The following HNF4G variants were observed in gnomAD, a reference collection of about 807,000 sequenced individuals.
The protein encoded by HNF4G is hepatocyte nuclear factor 4-gamma.
A neutral mutation model predicts 50.9 loss-of-function variants in HNF4G; 21 were observed. That is an observed-to-expected ratio of 0.41 (90% confidence interval 0.29 to 0.59). The LOEUF (loss-of-function observed/expected upper bound fraction) is 0.59. HNF4G is among the 20% of genes least tolerant of loss of function. The pLI, the probability that HNF4G is intolerant of heterozygous loss-of-function variation, is 0.26. For synonymous variants in HNF4G, 198 were observed against 185.6 expected, an observed-to-expected ratio of 1.07 and a Z score of -0.54; for missense variants, 527 against 559.4, an observed-to-expected ratio of 0.94 and a Z score of 0.58.
intron 1 of HNF4G, among the ~76,000 whole-genome samples, chr8:75,430,756 A>G (rs1810997682): frequency 6.6e-6 from 1 of 152,190 alleles, no homozygotes; most frequent in Non-Finnish European, 1.5e-5. Context: ...AGCACTTTAA[A>G]TAAAGGTCCC....
At chr8:75,408,236 G>A (rs1810410236) in intron 1 of HNF4G, 1 of 125,030 alleles carries the variant, frequency 8.0e-6, no homozygotes, top group Admixed American at 8.0e-5. Context: ...GAAAGAAAGA[G>A]AGAAGGAGAG....
Position 75,486,995 on chromosome 8 carries a change from G to A in HNF4G, c.-143-3094G>A, listed in dbSNP as rs536273440. 5.3e-5 allele frequency among the ~76,000 whole-genome samples: 8 copies of A among 152,106 alleles called. No individual in the cohort carries two copies. The South Asian group carries it at 1.7e-3, about 32-fold the overall frequency. On this transcript the variant is annotated intron_variant, in intron 1 of 10. Coordinates refer to the HNF4G transcript ENST00000354370. ...CACTCCAGCATGTGCGACAGAGCGAGACCCTGTCTAAAAAAAAATGATAAG... is the reference window on the plus strand; with the variant it reads ...CACTCCAGCATGTGCGACAGAGCGAAACCCTGTCTAAAAAAAAATGATAAG...
Position 75,551,279 on chromosome 8 carries a change from GA to G in HNF4G, c.383-106del, listed in dbSNP as rs1329493092. 3.8e-5 allele frequency: 23 copies of G among 610,334 alleles called. No individual in the cohort carries two copies. The East Asian group carries it at 5.9e-4, about 16-fold the overall frequency. 37.8% of individuals were successfully genotyped at this position (610,334 alleles called of 1,614,324 possible). On this transcript the variant is annotated intron_variant, in intron 3 of 9. Coordinates refer to ENST00000396423, the MANE Select transcript of HNF4G (RefSeq NM_004133.5). ...AATATCTTTCTTCCAAGGTCTTTTAGAAAGACTTTTTCTCACTTTTTTTACT... is the reference window on the plus strand; with the variant it reads ...AATATCTTTCTTCCAAGGTCTTTTAGAAGACTTTTTCTCACTTTTTTTACT...
chr8:75,433,977 C>T (rs1811075729), intron 1 of HNF4G, among the ~76,000 whole-genome samples: 1 of 151,060 alleles, frequency 6.6e-6, no homozygotes, highest in Admixed American at 6.6e-5. Context: ...AAAATAGACA[C>T]CTTAAAATAA....
intron 1 of HNF4G, among the ~76,000 whole-genome samples, chr8:75,452,699 A>G (rs1811615639): frequency 6.6e-6 from 1 of 152,038 alleles, no homozygotes; most frequent in Non-Finnish European, 1.5e-5. Flanking sequence ...AGCCTGGGCA[A>G]CAGAGTGAGA....
At chr8:75,547,730 A>G (rs201430312) in intron 3 of HNF4G, 49 bp downstream of exon 3, 65 of 1,061,122 alleles carry the variant, frequency 6.1e-5, no homozygotes, top group Non-Finnish European at 9.3e-5. Flanking sequence ...AAAGTGATAA[A>G]CATACACACA....
In HNF4G at chr8:75,556,039, T is replaced by C; in HGVS notation, c.703T>C (p.Ser235Pro). Residue 235 changes from serine (S) to proline (P), a missense_variant, in exon 6 of 10, where the codon TCC becomes CCC. Physicochemically the swap from Ser to Pro is moderately conservative, Grantham distance 74. Transcript: ENST00000396423. The stretch of plus-strand genomic sequence containing the variant: ...CTTACTGCTTGGAGCTACAAAGAGA[T>C]CCATGATGTATAAAGATATTTTGCT... ...EHLLLGATKR[S>P]MMYKDILLLG... 6.3e-7 allele frequency: 1 copy of C among 1,584,082 alleles called. No homozygotes were observed. The highest frequency in any genetic ancestry group is 8.6e-7 in the Non-Finnish European group (1 of 1,164,800).
chr8:75,558,406 C>A, intron 6 of HNF4G, 112 bp from the exon 7 acceptor site: 1 of 928,186 alleles, frequency 1.1e-6, no homozygotes, highest in East Asian at 2.6e-5. Context: ...ATCACTATTC[C>A]TTCAAGGGTA....
At chr8:75,462,180 G>A (rs1811870510) in intron 1 of HNF4G, among the ~76,000 whole-genome samples, 2 of 152,170 alleles carry the variant, frequency 1.3e-5, no homozygotes, top group African/African-American at 4.8e-5. Context: ...GACTCCCAAA[G>A]TGCAGGGATT....
intron 3 of HNF4G, among the ~76,000 whole-genome samples, chr8:75,551,000 T>C (rs1262671860): frequency 6.6e-6 from 1 of 152,198 alleles, no homozygotes. Flanking sequence ...CTATGACTCA[T>C]ATTTTCTGAT....
intron 2 of HNF4G, among the ~76,000 whole-genome samples, chr8:75,524,400 C>G (rs550784484): frequency 1.3e-5 from 2 of 152,086 alleles, no homozygotes; most frequent in African/African-American, 4.8e-5. Flanking sequence ...AACAAAGACT[C>G]AAGAAATCAC....
At chr8:75,451,541 G>C (rs981614477) in intron 1 of HNF4G, among the ~76,000 whole-genome samples, 2 of 152,114 alleles carry the variant, frequency 1.3e-5, no homozygotes, top group Non-Finnish European at 2.9e-5. Flanking sequence ...TGAAGGTTAA[G>C]TTTCATTCTT....
chr8:75,564,933 A>G lies in HNF4G; in HGVS notation c.*837A>G, dbSNP rs1468662863. On this transcript the variant is annotated 3_prime_UTR_variant, in exon 10 of 10. Coordinates refer to ENST00000396423, the MANE Select transcript of HNF4G (RefSeq NM_004133.5). Reference sequence around the variant, plus strand: ...CACGGTAGCCAGGAGAATTATCTATAGGTGGAAAGTCTGTGTCAGCCAAAG... The same window carrying G: ...CACGGTAGCCAGGAGAATTATCTATGGGTGGAAAGTCTGTGTCAGCCAAAG... 6.6e-6 allele frequency: 1 copy of G among 152,206 alleles called. No homozygotes were observed. The allele number at this position is 152,206 out of a possible 1,614,324, so 9.4% of individuals were successfully genotyped here. A position where few individuals can be genotyped will look rare whatever the true frequency, so the allele number is the denominator to read the frequency against.
At chr8:75,495,862 A>G (rs1357961008) in intron 2 of HNF4G, among the ~76,000 whole-genome samples, 2 of 152,132 alleles carry the variant, frequency 1.3e-5, no homozygotes, top group African/African-American at 2.4e-5. Flanking sequence ...AAAGAATAAT[A>G]CTGAAATAGG....
At chr8:75,409,442 C>T (rs576820178) in intron 1 of HNF4G, among the ~76,000 whole-genome samples, 2 of 148,452 alleles carry the variant, frequency 1.3e-5, no homozygotes, top group African/African-American at 5.0e-5. Flanking sequence ...AAATACTCCT[C>T]ATGCAAATAA....
intron 1 of HNF4G, among the ~76,000 whole-genome samples, chr8:75,476,024 C>CAGAA (rs1474348021): frequency 6.6e-6 from 1 of 151,974 alleles, no homozygotes; most frequent in African/African-American, 2.4e-5. Context: ...GAGATTTGGG[C>CAGAA]TTCTAGTGTA....
At chr8:75,434,002 CTTTT>C (rs139429237) in intron 1 of HNF4G, among the ~76,000 whole-genome samples, 1 of 123,272 alleles carries the variant, frequency 8.1e-6, no homozygotes, top group East Asian at 2.3e-4. Context: ...TGTTTCTTTT[CTTTT>C]TTTTTTTTTT....
chr8:75,552,909 G>GT (rs957701055), intron 4 of HNF4G, 133 bp from the exon 5 acceptor site: 11 of 543,416 alleles, frequency 2.0e-5, no homozygotes, highest in Non-Finnish European at 2.3e-5. Flanking sequence ...AAAATGTTTA[G>GT]TATTTGTCAA....
chr8:75,530,017 G>C (rs990448388), intron 2 of HNF4G, among the ~76,000 whole-genome samples: 2 of 152,144 alleles, frequency 1.3e-5, no homozygotes, highest in African/African-American at 4.8e-5. Flanking sequence ...AGAGGCTACT[G>C]TTCCCTGCTC....
Sources: allele counts gnomAD v4.1 joint callset (sites outside exome capture counted in the v4.1 genomes callset), GRCh38; gene constraint gnomAD v4.1.1; transcripts MANE v1.5; gene names NCBI Gene and HGNC (gene_info 2026-07-23, HGNC 2026-07-21).